The following CDH13 variants were observed in gnomAD, a reference collection of about 807,000 sequenced individuals.
The protein encoded by CDH13 is cadherin-13.
A neutral mutation model predicts 63.8 loss-of-function variants in CDH13; 24 were observed. The observed-to-expected ratio is 0.38, with a 90% CI of 0.27 to 0.53. CDH13 has a LOEUF of 0.53. Among genes scored for constraint, CDH13 ranks in the 20% least tolerant of loss-of-function variants. CDH13 has a pLI of 0.85. For synonymous variants in CDH13, 503 were observed against 355.3 expected (o/e 1.42, Z -4.67); for missense variants, 1,049 against 903.1 (o/e 1.16, Z -2.07).
At chr16:83,132,532 C>A (rs920316885) in intron 4 of CDH13, among the ~76,000 whole-genome samples, 1 of 147,732 alleles carries the variant, frequency 6.8e-6, no homozygotes, top group Non-Finnish European at 1.5e-5. Flanking sequence ...ACTGCAACGT[C>A]CGCCTCCCAG....
intron 6 of CDH13, among the ~76,000 whole-genome samples, chr16:83,413,078 C>G (rs1471134313): frequency 6.6e-6 from 1 of 152,184 alleles, no homozygotes; most frequent in Non-Finnish European, 1.5e-5. Flanking sequence ...CTTAATACAT[C>G]ATAGCATCAA....
chr16:83,308,900 A>T (rs2089938981), intron 5 of CDH13, among the ~76,000 whole-genome samples: 1 of 152,200 alleles, frequency 6.6e-6, no homozygotes, highest in African/African-American at 2.4e-5. Context: ...AGAAGAGAGT[A>T]GGGGATTCGG....
At chr16:83,687,293 A>G (rs1309033642) in intron 10 of CDH13, among the ~76,000 whole-genome samples, 2 of 152,206 alleles carry the variant, frequency 1.3e-5, no homozygotes, top group Non-Finnish European at 2.9e-5. Flanking sequence ...GGTAATTTAT[A>G]AAGAAAATGA....
At chr16:83,729,735 C>T (rs1189721746) in intron 10 of CDH13, among the ~76,000 whole-genome samples, 1 of 152,198 alleles carries the variant, frequency 6.6e-6, no homozygotes, top group African/African-American at 2.4e-5. Context: ...TGGCACAAAG[C>T]AAGTGCTCAA....
chr16:82,649,100 C>T (rs190440060), intron 1 of CDH13, among the ~76,000 whole-genome samples: 21 of 147,842 alleles, frequency 1.4e-4, no homozygotes, highest in Non-Finnish European at 2.1e-4. Flanking sequence ...AGAGTGAGCG[C>T]GCACCGGCTT....
intron 8 of CDH13, among the ~76,000 whole-genome samples, chr16:83,661,090 A>G (rs1201741361): frequency 6.6e-6 from 1 of 152,066 alleles, no homozygotes; most frequent in African/African-American, 2.4e-5. Context: ...AGGAATTCTA[A>G]TATACAAAAC....
chr16:82,697,046 C>T (rs1184764880), intron 1 of CDH13, among the ~76,000 whole-genome samples: 1 of 152,142 alleles, frequency 6.6e-6, no homozygotes, highest in Admixed American at 6.5e-5. Context: ...AGGAAGGAAC[C>T]AGAACACCAG....
chr16:83,362,464 A>C (rs2091180736), intron 6 of CDH13, among the ~76,000 whole-genome samples: 1 of 152,254 alleles, frequency 6.6e-6, no homozygotes, highest in African/African-American at 2.4e-5. Context: ...GTGCCACAAC[A>C]AATGACATTT....
chr16:83,352,575 G>T (rs1349937138), intron 6 of CDH13, among the ~76,000 whole-genome samples: 1 of 152,136 alleles, frequency 6.6e-6, no homozygotes, highest in Non-Finnish European at 1.5e-5. Flanking sequence ...CACACACAAT[G>T]GAATACTATT....
chr16:83,508,077 A>C, intron 7 of CDH13, among the ~76,000 whole-genome samples: 1 of 66,940 alleles, frequency 1.5e-5, no homozygotes. Flanking sequence ...GGAAGGAAGG[A>C]AGGAAGGAAG....
intron 7 of CDH13, among the ~76,000 whole-genome samples, chr16:83,508,119 A>AAGGAAGGGAGGG: frequency 1.3e-5 from 1 of 75,492 alleles, no homozygotes; most frequent in Non-Finnish European, 2.6e-5. Flanking sequence ...AAAAGGAAGG[A>AAGGAAGGGAGGG]AGGGAGGAAG....
chr16:83,570,777 A>C (rs1904513561), intron 7 of CDH13, among the ~76,000 whole-genome samples: 1 of 142,068 alleles, frequency 7.0e-6, no homozygotes, highest in Non-Finnish European at 1.5e-5. Context: ...ATATGAATAA[A>C]ATATATTTTA....
chr16:83,174,943 C>CCCATGAT (rs1189287953), intron 4 of CDH13, among the ~76,000 whole-genome samples: 3 of 152,058 alleles, frequency 2.0e-5, no homozygotes, highest in African/African-American at 7.2e-5. Context: ...GGGAACTGCC[C>CCCATGAT]CCATGATCCA....
At chr16:82,981,417 T>G (rs1441787082) in intron 2 of CDH13, among the ~76,000 whole-genome samples, 1 of 152,054 alleles carries the variant, frequency 6.6e-6, no homozygotes, top group Non-Finnish European at 1.5e-5. Context: ...GAGGGTGATG[T>G]GGTAAATCAA....
intron 1 of CDH13, among the ~76,000 whole-genome samples, chr16:82,778,369 G>T (rs2035592995): frequency 6.6e-6 from 1 of 152,078 alleles, no homozygotes; most frequent in Non-Finnish European, 1.5e-5. Flanking sequence ...TTTGACTCAT[G>T]ATGTTGAATC....
intron 1 of CDH13, among the ~76,000 whole-genome samples, chr16:82,780,424 A>T (rs2035698745): frequency 6.6e-6 from 1 of 152,236 alleles, no homozygotes; most frequent in South Asian, 2.1e-4. Context: ...GACAGTCCCC[A>T]TAGGATAAAT....
intron 2 of CDH13, among the ~76,000 whole-genome samples, chr16:82,898,120 G>A: frequency 6.6e-6 from 1 of 152,176 alleles, no homozygotes; most frequent in East Asian, 1.9e-4. Context: ...TTTTTATACT[G>A]ATTACATATT....
At chr16:83,038,692 T>A (rs1455456660) in intron 3 of CDH13, among the ~76,000 whole-genome samples, 7 of 152,212 alleles carry the variant, frequency 4.6e-5, no homozygotes, top group Admixed American at 3.9e-4. Context: ...GCCTTGTATG[T>A]AGTTTCAAAA....
intron 3 of CDH13, among the ~76,000 whole-genome samples, chr16:83,038,071 G>A (rs1465561606): frequency 2.0e-5 from 3 of 152,202 alleles, no homozygotes; most frequent in Non-Finnish European, 2.9e-5. Flanking sequence ...GCTCAGAGAG[G>A]TAGGTGGGAC....
Sources: gnomAD v4.1 joint callset for allele counts (sites outside exome capture counted in the v4.1 genomes callset) on GRCh38, gnomAD v4.1.1 for gene constraint, MANE v1.5 for transcripts, NCBI Gene and HGNC (gene_info 2026-07-23, HGNC 2026-07-21) for gene names.